Variants in IGF1 observed in about 807,000 individuals in gnomAD.
IGF1 encodes insulin like growth factor 1.
A neutral mutation model predicts 13.8 loss-of-function variants in IGF1; 4 were observed. That is an observed-to-expected ratio of 0.29 (90% CI 0.14 to 0.66). The LOEUF is 0.66. IGF1 is among the 30% of genes least tolerant of loss of function. IGF1 has a pLI of 0.78. For missense variants in IGF1, 124 were observed against 188.5 expected, an observed-to-expected ratio of 0.66 and a Z score of 2.00; for synonymous variants, 76 against 72.6, an observed-to-expected ratio of 1.05 and a Z score of -0.23.
At chr12:102,432,546 G>A (rs1320083720) in intron 2 of IGF1, among the ~76,000 whole-genome samples, 1 of 152,208 alleles carries the variant, frequency 6.6e-6, no homozygotes, top group African/African-American at 2.4e-5. Flanking sequence ...CCCGGGATTA[G>A]AAAAGAGACA....
intron 2 of IGF1, chr12:102,462,879 C>G (rs1035623032): frequency 1.3e-5 from 2 of 152,172 alleles, no homozygotes; most frequent in Admixed American, 6.5e-5. Flanking sequence ...AGAACATTTG[C>G]TGTGCTTGAC....
At chr12:102,443,588 C>G (rs1270960999) in intron 2 of IGF1, among the ~76,000 whole-genome samples, 1 of 152,090 alleles carries the variant, frequency 6.6e-6, no homozygotes, top group Non-Finnish European at 1.5e-5. Flanking sequence ...TCCTGGAACT[C>G]TGTTTCTCAC....
At chr12:102,462,550 C>T (rs916119028) in intron 2 of IGF1, among the ~76,000 whole-genome samples, 10 of 152,236 alleles carry the variant, frequency 6.6e-5, no homozygotes, top group South Asian at 4.2e-4. Flanking sequence ...TGCAAAGCAC[C>T]GATAATCTAC....
intron 1 of IGF1, among the ~76,000 whole-genome samples, chr12:102,479,862 G>A (rs754770278): frequency 2.6e-5 from 4 of 151,880 alleles, no homozygotes; most frequent in Non-Finnish European, 5.9e-5. Context: ...TATATAGCAT[G>A]CCTTGTAAAT....
At chr12:102,403,957 CATT>C (rs1873910189) in intron 3 of IGF1, among the ~76,000 whole-genome samples, 1 of 152,104 alleles carries the variant, frequency 6.6e-6, no homozygotes, top group African/African-American at 2.4e-5. Flanking sequence ...AGAACTAAGT[CATT>C]ATATTATAAT....
chr12:102,434,654 G>A (rs1229960046), intron 2 of IGF1, among the ~76,000 whole-genome samples: 1 of 152,002 alleles, frequency 6.6e-6, no homozygotes, highest in Non-Finnish European at 1.5e-5. Context: ...TAATCATTTG[G>A]GTATATAAGT....
At chr12:102,467,080 T>C (rs1880386354) in intron 2 of IGF1, among the ~76,000 whole-genome samples, 1 of 152,180 alleles carries the variant, frequency 6.6e-6, no homozygotes, top group Non-Finnish European at 1.5e-5. Flanking sequence ...AGGAGTTGGC[T>C]GCATGTGGGT....
At position 102,397,513 on chromosome 12, in the gene IGF1, T is replaced by C. The variant is rs1873313474; in HGVS notation, c.*4994A>G. On this transcript the variant is annotated 3_prime_UTR_variant, in exon 4 of 4. Transcript: ENST00000337514. ...CTGACAGTCTTCTCTCTTTTTTAAA[T>C]AGAAATTACACAAAAAAGATATCTA... 6.6e-6 allele frequency: 1 copy of C among 152,178 alleles called. No individual in the cohort carries two copies. The highest frequency in any genetic ancestry group is 6.5e-5 in the Admixed American group (1 of 15,276). 9.4% of individuals were successfully genotyped at this position (152,178 alleles called of 1,614,324 possible).
Position 102,417,704 on chromosome 12 carries a change from A to G in IGF1, c.402+1805T>C, listed in dbSNP as rs1875269513. The G allele has an allele frequency of 2.0e-6, 3 of 1,530,770 alleles. No individual in the cohort carries two copies. The African/African-American group carries it at 4.2e-5, about 21-fold the overall frequency. The allele number at this position is 1,530,770 out of a possible 1,614,324, so 94.8% of individuals were successfully genotyped here. On this transcript the variant is annotated intron_variant, in intron 3 of 3. Transcript: ENST00000337514. Reference sequence around the variant, plus strand: ...TTCTATTTCCATCACATCATCATCTAGCTCCAGCAGGCCTACTTTTCTTCA... The same window carrying G: ...TTCTATTTCCATCACATCATCATCTGGCTCCAGCAGGCCTACTTTTCTTCA...
At chr12:102,422,818 A>G (rs1421770859) in intron 2 of IGF1, among the ~76,000 whole-genome samples, 1 of 152,228 alleles carries the variant, frequency 6.6e-6, no homozygotes, top group African/African-American at 2.4e-5. Context: ...GGTGCTGTAT[A>G]ATTCTGTCCC....
intron 3 of IGF1, among the ~76,000 whole-genome samples, chr12:102,407,302 G>A (rs1874259834): frequency 6.6e-6 from 1 of 152,116 alleles, no homozygotes; most frequent in South Asian, 2.1e-4. Flanking sequence ...CTAACATTTA[G>A]TAATGTGCTT....
intron 2 of IGF1, among the ~76,000 whole-genome samples, chr12:102,426,844 A>G (rs185461856): frequency 2.2e-4 from 33 of 152,046 alleles, no homozygotes; most frequent in African/African-American, 7.7e-4. Flanking sequence ...ATCTCTCTCT[A>G]CTTCATGTCT....
chr12:102,474,930 T>C (rs1215094129), intron 2 of IGF1, among the ~76,000 whole-genome samples: 1 of 152,210 alleles, frequency 6.6e-6, no homozygotes, highest in Non-Finnish European at 1.5e-5. Context: ...ATTTAAGAGA[T>C]AAGTGATTCT....
chr12:102,450,091 A>G (rs1391900411), intron 2 of IGF1, among the ~76,000 whole-genome samples: 3 of 152,182 alleles, frequency 2.0e-5, no homozygotes, highest in Admixed American at 6.5e-5. Flanking sequence ...TCCTGAGTAT[A>G]TCTGTTTTAG....
chr12:102,414,389 G>T (rs972851136), intron 3 of IGF1, among the ~76,000 whole-genome samples: 1 of 151,960 alleles, frequency 6.6e-6, no homozygotes, highest in Non-Finnish European at 1.5e-5. Flanking sequence ...TCTACATTTT[G>T]TACTCTTAAT....
chr12:102,397,122 A>C lies in IGF1; in HGVS notation c.*5385T>G, dbSNP rs1873265620. 1 of 305,550 alleles carries C rather than the reference A, an allele frequency of 3.3e-6. No individual in the cohort carries two copies. The highest frequency in any genetic ancestry group is 5.9e-6 in the Non-Finnish European group (1 of 168,514). 18.9% of individuals were successfully genotyped at this position (305,550 alleles called of 1,614,324 possible). A position where few individuals can be genotyped will look rare whatever the true frequency, so the allele number is the denominator to read the frequency against. On this transcript the variant is annotated 3_prime_UTR_variant, in exon 4 of 4. Transcript: ENST00000337514. ...GAGGCTGAGGCAGGAGAATCGCTTA[A>C]ACCCAGGAGGTGGAGGTTGCAGTGA...
rs3730209 is a variant in IGF1, at chr12:102,396,828, C to T, written c.*5679G>A. The T allele has an allele frequency of 3.8e-5, 15 of 397,022 alleles. No homozygotes were observed. The highest frequency in any genetic ancestry group is 6.6e-5 in the Non-Finnish European group (15 of 225,742). 24.6% of individuals were successfully genotyped at this position (397,022 alleles called of 1,614,324 possible). A position where few individuals can be genotyped will look rare whatever the true frequency, so the allele number is the denominator to read the frequency against. ...CTTTAAAAAAGCTTGGATTTTTTTC[C>T]CCTTGAAAGACCCCATCAAAGATAG... On this transcript the variant is annotated 3_prime_UTR_variant, in exon 4 of 4. Coordinates refer to ENST00000337514, the MANE Select transcript of IGF1 (RefSeq NM_000618.5).
chr12:102,415,594 CCT>C (rs2136983902), intron 3 of IGF1: 4 of 148,508 alleles, frequency 2.7e-5, no homozygotes, highest in African/African-American at 7.5e-5. Context: ...TTCCTTCCTT[CCT>C]TCCCTCCCTC....
At chr12:102,415,275 TCC>T (rs1874991081) in intron 3 of IGF1, among the ~76,000 whole-genome samples, 2 of 151,668 alleles carry the variant, frequency 1.3e-5, no homozygotes, top group East Asian at 3.9e-4. Flanking sequence ...CATCCATCCA[TCC>T]ATCCATCCAT....
Sources: gnomAD v4.1 joint callset for allele counts (sites outside exome capture counted in the v4.1 genomes callset) on GRCh38, gnomAD v4.1.1 for gene constraint, MANE v1.5 for transcripts, NCBI Gene and HGNC (gene_info 2026-07-23, HGNC 2026-07-21) for gene names.